Variants in CACNA1A observed in about 807,000 individuals in gnomAD.
CACNA1A encodes the protein calcium voltage-gated channel subunit alpha1 A.
Under a neutral mutation model 262.4 loss-of-function variants are expected in CACNA1A, and 57 were observed. The ratio of observed to expected loss-of-function variants is 0.22; its 90% CI spans 0.18 to 0.27. The LOEUF (loss-of-function observed/expected upper bound fraction) is 0.27. Among genes scored for constraint, CACNA1A ranks in the 10% least tolerant of loss-of-function variants. The pLI is 1.00. For missense variants in CACNA1A, 2,526 were observed against 3,562.8 expected (o/e 0.71, Z 7.41); for synonymous variants, 1,431 against 1,419.3 (o/e 1.01, Z -0.18).
intron 1 of CACNA1A, among the ~76,000 whole-genome samples, chr19:13,488,134 G>A (rs1330100286): frequency 6.6e-6 from 1 of 152,080 alleles, no homozygotes; most frequent in Non-Finnish European, 1.5e-5. Context: ...CTGGGAGGGA[G>A]GTGCCAGCAG....
intron 34 of CACNA1A, among the ~76,000 whole-genome samples, chr19:13,232,492 G>A (rs555955999): frequency 1.3e-5 from 2 of 152,192 alleles, no homozygotes; most frequent in African/African-American, 2.4e-5. Flanking sequence ...AGCACTTTGG[G>A]AGGCTGAGGT....
rs749749321 is a variant in CACNA1A, at chr19:13,312,793, A to G, written c.1556-12T>C. On this transcript the variant is annotated splice_polypyrimidine_tract_variant and intron_variant, in intron 11 of 46. Transcript: ENST00000360228. ...GAATTCTGCATAGTCTAGAAGGGAGAAGGAGGAAACAGAGAGGAGGTTAGG... is the reference window on the plus strand; with the variant it reads ...GAATTCTGCATAGTCTAGAAGGGAGGAGGAGGAAACAGAGAGGAGGTTAGG... The G allele has an allele frequency of 1.3e-5, 18 of 1,428,246 alleles. No homozygotes were observed. In the South Asian group the frequency reaches 1.8e-4, roughly 15 times the overall value. The allele number at this position is 1,428,246 out of a possible 1,614,324, so 88.5% of individuals were successfully genotyped here.
chr19:13,321,025 CTT>C (rs55792271), intron 10 of CACNA1A, among the ~76,000 whole-genome samples: 21 of 135,944 alleles, frequency 1.5e-4, no homozygotes, highest in African/African-American at 3.6e-4. Context: ...TGTTCTTTTC[CTT>C]TTTTTTTTTT....
chr19:13,370,245 T>C (rs1354583087), intron 4 of CACNA1A, among the ~76,000 whole-genome samples: 3 of 151,738 alleles, frequency 2.0e-5, no homozygotes, highest in East Asian at 2.0e-4. Flanking sequence ...GGATTATAGA[T>C]GCCCGCCACC....
At chr19:13,443,016 AC>A (rs1324111443) in intron 3 of CACNA1A, among the ~76,000 whole-genome samples, 1 of 152,042 alleles carries the variant, frequency 6.6e-6, no homozygotes, top group Non-Finnish European at 1.5e-5. Flanking sequence ...AATATTTCAA[AC>A]CTTCCAAAAC....
At chr19:13,219,723 G>A (rs1444073842) in intron 38 of CACNA1A, among the ~76,000 whole-genome samples, 1 of 152,128 alleles carries the variant, frequency 6.6e-6, no homozygotes, top group Non-Finnish European at 1.5e-5. Flanking sequence ...GGGAGGCCGA[G>A]GTGGGCAGAT....
At chr19:13,485,273 TG>T (rs1252131539) in intron 1 of CACNA1A, among the ~76,000 whole-genome samples, 1 of 152,172 alleles carries the variant, frequency 6.6e-6, no homozygotes, top group Non-Finnish European at 1.5e-5. Context: ...TGAACACAAC[TG>T]TAAAACTTTC....
intron 5 of CACNA1A, chr19:13,362,658 A>G (rs930910633): frequency 2.6e-5 from 4 of 152,216 alleles, no homozygotes; most frequent in African/African-American, 9.7e-5. Context: ...CAGGCATACA[A>G]TAGCTACTGA....
chr19:13,207,371 G>T lies in CACNA1A; in HGVS notation c.7463C>A (p.Pro2488Gln). 6.5e-7 allele frequency: 1 copy of T among 1,548,472 alleles called. No individual in the cohort carries two copies. The highest frequency in any genetic ancestry group is 8.7e-7 in the Non-Finnish European group (1 of 1,153,804). ...PAHGLARPRG[P>Q]GSRKGLHEPY... ...TTCGTGCAGGCCCTTCCTGGAGCCCGGCCCGCGGGGCCTGGCCAGTCCGTG... is the reference window on the plus strand; with the variant it reads ...TTCGTGCAGGCCCTTCCTGGAGCCCTGCCCGCGGGGCCTGGCCAGTCCGTG... The change falls in exon 47 of 47, where the codon CCG (proline) becomes CAG (glutamine). Residue 2488 changes from proline (P) to glutamine (Q), a missense_variant. Physicochemically the swap from Pro to Gln is moderately conservative, Grantham distance 76. This residue lies in a region of CACNA1A where 929 missense variants were observed against 868.1 expected (regional missense o/e 1.07). Transcript: ENST00000360228. This position sits in a 1 kb window ranked among gnomAD's most constrained non-coding sequence, Gnocchi z 5.7.
intron 34 of CACNA1A, among the ~76,000 whole-genome samples, chr19:13,234,538 G>A (rs1452850521): frequency 6.6e-6 from 1 of 152,046 alleles, no homozygotes; most frequent in Admixed American, 6.6e-5. Flanking sequence ...AAGATTCAGA[G>A]ATAATGCCTG....
chr19:13,341,012 T>C (rs1322022419), intron 6 of CACNA1A, among the ~76,000 whole-genome samples: 1 of 152,050 alleles, frequency 6.6e-6, no homozygotes, highest in East Asian at 1.9e-4. Flanking sequence ...TTTGAGGCTG[T>C]AGTGAGCTAT....
intron 3 of CACNA1A, among the ~76,000 whole-genome samples, chr19:13,427,517 T>A (rs1173708788): frequency 1.3e-5 from 2 of 151,122 alleles, no homozygotes; most frequent in Admixed American, 1.3e-4. Context: ...TATGAGCTGC[T>A]AGAAGCTGGA....
intron 4 of CACNA1A, 51 bp downstream of exon 4, chr19:13,371,637 G>T: frequency 1.5e-6 from 2 of 1,345,088 alleles, no homozygotes; most frequent in Non-Finnish European, 2.1e-6. Flanking sequence ...GAAACTGAGG[G>T]CTCCTGGGGC....
intron 36 of CACNA1A, 104 bp from the exon 37 acceptor site, chr19:13,227,631 G>A (rs986381301): frequency 1.1e-5 from 5 of 434,892 alleles, no homozygotes; most frequent in East Asian, 3.7e-5. Context: ...ACAGAAGAAA[G>A]AAAAAAGAAA....
intron 3 of CACNA1A, among the ~76,000 whole-genome samples, chr19:13,376,619 T>G (rs2059409539): frequency 6.7e-6 from 1 of 148,166 alleles, no homozygotes; most frequent in African/African-American, 2.5e-5. Context: ...ATGTTATATA[T>G]AACACACTAC....
In CACNA1A at chr19:13,299,369, C is replaced by T. The variant is rs759745350; in HGVS notation, c.2280-16G>A. ...TTGCTCTTTCCTGCAGTGGCATGGT[C>T]ACAGGACTTAGAGCATTGCTAGGCA... On this transcript the variant is annotated splice_polypyrimidine_tract_variant and intron_variant, in intron 18 of 46. Coordinates refer to ENST00000360228, the MANE Select transcript of CACNA1A (RefSeq NM_001127222.2). 3.1e-6 allele frequency: 5 copies of T among 1,597,730 alleles called. No homozygotes were observed. In the Admixed American group the frequency reaches 8.3e-5, roughly 27 times the overall value.
rs1292872760 is a variant in CACNA1A at position 13,371,826 on chromosome 19, G to A, written c.540-47C>T. 18 of 1,397,050 alleles carry A rather than the reference G, an allele frequency of 1.3e-5. No individual in the cohort carries two copies. The Admixed American group carries it at 3.5e-4, about 27-fold the overall frequency. 86.5% of individuals were successfully genotyped at this position (1,397,050 alleles called of 1,614,324 possible). A position where few individuals can be genotyped will look rare whatever the true frequency, so the allele number is the denominator to read the frequency against. On this transcript the variant is annotated intron_variant, in intron 3 of 46. Transcript: ENST00000360228. ...GGAGAACAGAGGGTGGGTTTTGGGG[G>A]TCAGACAGCAGGGCGGGGGTGCTTG...
rs57341945 is a variant in CACNA1A, at chr19:13,413,895, A to AAAAGAAAGAAAGAAAGAAAGAAAG, written c.539+38957_539+38980dup. On this transcript the variant is annotated intron_variant, in intron 3 of 46. Coordinates refer to ENST00000360228, the MANE Select transcript of CACNA1A (RefSeq NM_001127222.2). ...GACTCTGTCAAGAAAGAAAGAAAGAAAAAGAAAGAAAGAAAGAAAGAAAGA... is the reference window on the plus strand; with the variant it reads ...GACTCTGTCAAGAAAGAAAGAAAGAAAAAGAAAGAAAGAAAGAAAGAAAGAAAGAAAGAAAGAAAGAAAGAAAGA... Among the ~76,000 whole-genome samples, 1,064 of 119,190 alleles carry AAAAGAAAGAAAGAAAGAAAGAAAG rather than the reference A, an allele frequency of 8.9e-3. 37 individuals are homozygous for AAAAGAAAGAAAGAAAGAAAGAAAG. Among genetic ancestry groups the AAAAGAAAGAAAGAAAGAAAGAAAG allele is most frequent in the African/African-American group, 0.031 (774 of 24,622 alleles). 78.2% of individuals were successfully genotyped at this position (119,190 alleles called of 152,430 possible).
At position 13,241,883 on chromosome 19, in the gene CACNA1A, T is replaced by TG. The variant is rs887235211; in HGVS notation, c.4950+3298dup. Among the ~76,000 whole-genome samples, 1 of 152,176 alleles carries TG rather than the reference T, an allele frequency of 6.6e-6. No homozygotes were observed. Among genetic ancestry groups the TG allele is most frequent in the African/African-American group, 2.4e-5 (1 of 41,450 alleles). On this transcript the variant is annotated intron_variant, in intron 31 of 46. Transcript: ENST00000360228. The surrounding 1 kb of genome is among the most constrained non-coding windows in gnomAD (Gnocchi z 4.0). ...GCAAACCCACATCACCCCAGCCACT[T>TG]GGGGGCAGCAGCTGAGACAGCACTG...
Sources: gnomAD v4.1 joint callset for allele counts (sites outside exome capture counted in the v4.1 genomes callset) on GRCh38, gnomAD v4.1.1 for gene constraint, gnomAD v4.1.1 regional missense constraint, Gnocchi (gnomAD v3.1) non-coding constraint, MANE v1.5 for transcripts, NCBI Gene and HGNC (gene_info 2026-07-23, HGNC 2026-07-21) for gene names.